MXRA8: variants seen among roughly 807,000 people sequenced by gnomAD.
The protein encoded by MXRA8 is matrix remodeling associated 8.
A neutral mutation model predicts 51.4 loss-of-function variants in MXRA8; 44 were observed. The ratio of observed to expected loss-of-function variants is 0.86; its 90% CI spans 0.67 to 1.10. The LOEUF (loss-of-function observed/expected upper bound fraction) is 1.10. MXRA8 is among the 50% of genes least tolerant of loss of function. The probability of loss-of-function intolerance (pLI) is 0.00; values close to 1 mark genes in which losing one functional copy is unlikely to be tolerated. For synonymous variants in MXRA8, 369 were observed against 293.5 expected, an observed-to-expected ratio of 1.26 and a Z score of -2.63; for missense variants, 765 against 638.9, an observed-to-expected ratio of 1.20 and a Z score of -2.13.
At chr1:1,356,823 C>A in intron 1 of MXRA8, 119 bp from the exon 2 acceptor site, 1 of 881,706 alleles carries the variant, frequency 1.1e-6, no homozygotes, top group Non-Finnish European at 1.6e-6. Flanking sequence ...ACACCCACTT[C>A]AGTGCAGGGA....
chr1:1,360,738 C>T (rs186822424), upstream of MXRA8, among the ~76,000 whole-genome samples: 468 of 152,274 alleles, frequency 3.1e-3, 2 homozygotes, highest in African/African-American at 0.01. Context: ...ATCTTGGCTG[C>T]CATTCCTGGT....
At position 1,357,220 on chromosome 1, in the gene MXRA8, G is replaced by A. The variant is rs190301171; in HGVS notation, c.50-516C>T. The stretch of plus-strand genomic sequence containing the variant: ...CCCGGCTGCCGCCCCACAGGCCCGC[G>A]TTGCTGCTTGAGGGACTCTCATTGT... On this transcript the variant is annotated intron_variant, in intron 1 of 9. Transcript: ENST00000309212. Among the ~76,000 whole-genome samples, 7 of 152,326 alleles carry A rather than the reference G, an allele frequency of 4.6e-5. No homozygotes were observed. The East Asian group carries it at 5.8e-4, about 13-fold the overall frequency.
At chr1:1,357,966 C>T (rs1644164676) in intron 1 of MXRA8, among the ~76,000 whole-genome samples, 1 of 152,172 alleles carries the variant, frequency 6.6e-6, no homozygotes, top group African/African-American at 2.4e-5. Flanking sequence ...TCCTGTGTCT[C>T]TAGATCACTG....
chr1:1,354,243 G>T lies in MXRA8; in HGVS notation c.1106-11C>A. On this transcript the variant is annotated splice_polypyrimidine_tract_variant and intron_variant, in intron 6 of 9. Transcript: ENST00000309212. ...CCGAGTATTCGTAGCCTGGGAAGGA[G>T]ACTCACATTGGGGGCAGTGCCGCCC... The T allele has an allele frequency of 6.2e-7, 1 of 1,611,684 alleles. No individual in the cohort carries two copies.
Position 1,354,740 on chromosome 1 carries a change from C to T in MXRA8, c.891G>A (p.Glu297=), listed in dbSNP as rs758342645. ...FHLTVAEPHA[E]PPPRGSPGNG... ...TGCCCGGAGAGCCCCGGGGGGGCGG[C>T]TCCGCGTGGGGTTCGGCGACCGTCA... The change falls in exon 5 of 10, where the codon GAG becomes GAA. Residue 297 remains glutamate (E), a synonymous_variant. Transcript: ENST00000309212. 10 of 1,609,344 alleles carry T rather than the reference C, an allele frequency of 6.2e-6. No individual in the cohort carries two copies. In the East Asian group the frequency reaches 2.0e-4, roughly 32 times the overall value.
chr1:1,356,305 TC>T (rs1644130169), intron 2 of MXRA8, among the ~76,000 whole-genome samples: 1 of 62,614 alleles, frequency 1.6e-5, no homozygotes, highest in African/African-American at 6.5e-5. Flanking sequence ...GGATGGGGAG[TC>T]CATGGGGGAG....
At chr1:1,355,212 C>T in intron 4 of MXRA8, 32 bp downstream of exon 4, 4 of 501,720 alleles carry the variant, frequency 8.0e-6, no homozygotes, top group South Asian at 2.4e-5. Context: ...GGTCGAGGGG[C>T]GGGAGCTGGG....
rs377594546 is a variant in MXRA8 at position 1,358,416 on chromosome 1, C to T, written c.49+40G>A. The T allele has an allele frequency of 1.8e-4, 292 of 1,579,216 alleles. No individual in the cohort carries two copies. In the South Asian group the frequency reaches 2.8e-3, roughly 15 times the overall value. ...TCCGAAACGGACTCGCACAGCCCCA[C>T]GTGCCACCCCCCACCCGCCTCCCAG... is the stretch of plus-strand genomic sequence containing the variant. On this transcript the variant is annotated intron_variant, in intron 1 of 9. Transcript: ENST00000309212.
upstream of MXRA8, chr1:1,358,707 G>T (rs1242306975): frequency 2.9e-6 from 4 of 1,387,210 alleles, no homozygotes; most frequent in Admixed American, 1.3e-4. Flanking sequence ...GAGGGGCAGT[G>T]TGGGAGCAGA....
chr1:1,354,151 G>A (rs1382479850), intron 7 of MXRA8, 42 bp downstream of exon 7: 1 of 1,612,772 alleles, frequency 6.2e-7, no homozygotes, highest in Non-Finnish European at 8.5e-7. Flanking sequence ...GTGGGGTGAA[G>A]GGGGCCCTGG....
At chr1:1,357,454 G>A (rs1287010104) in intron 1 of MXRA8, among the ~76,000 whole-genome samples, 1 of 152,010 alleles carries the variant, frequency 6.6e-6, no homozygotes, top group Non-Finnish European at 1.5e-5. Flanking sequence ...GCACCACGGA[G>A]TCCCCCCACA....
At chr1:1,355,805 G>A (rs1569793681) in intron 2 of MXRA8, 53 bp from the exon 3 acceptor site, 2 of 715,512 alleles carry the variant, frequency 2.8e-6, no homozygotes, top group African/African-American at 2.3e-5. Flanking sequence ...TAGGGCCCTG[G>A]TTGGGGGAGT....
At chr1:1,355,395 C>T in intron 3 of MXRA8, 50 bp from the exon 4 acceptor site, 1 of 1,516,926 alleles carries the variant, frequency 6.6e-7, no homozygotes, top group African/African-American at 1.4e-5. Context: ...GCCCCCGACC[C>T]CGCGGCCCCG....
In MXRA8 at chr1:1,353,206, C is replaced by G. The variant is rs537952484; in HGVS notation, c.*398G>C. The G allele has an allele frequency of 1.1e-4, 145 of 1,262,892 alleles. No individual in the cohort carries two copies. The highest frequency in any genetic ancestry group is 2.1e-4 in the Admixed American group (10 of 47,382). The allele number at this position is 1,262,892 out of a possible 1,614,324, so 78.2% of individuals were successfully genotyped here. A position where few individuals can be genotyped will look rare whatever the true frequency, so the allele number is the denominator to read the frequency against. On this transcript the variant is annotated 3_prime_UTR_variant, in exon 10 of 10. Coordinates refer to ENST00000309212, the MANE Select transcript of MXRA8 (RefSeq NM_032348.4). ...TCCAGGAACATCTCCCAGCCCCCGACGAGCAGAGCCCTGGAGGAGTGGGAC... is the reference window on the plus strand; with the variant it reads ...TCCAGGAACATCTCCCAGCCCCCGAGGAGCAGAGCCCTGGAGGAGTGGGAC...
chr1:1,356,208 A>AC (rs1371400589), intron 2 of MXRA8, among the ~76,000 whole-genome samples: 1 of 57,136 alleles, frequency 1.8e-5, no homozygotes, highest in East Asian at 5.8e-4. Context: ...GGAGTGGTGG[A>AC]CCCCCGAGGG....
chr1:1,353,776 G>T (rs527845568), intron 9 of MXRA8, 72 bp downstream of exon 9: 1 of 1,490,514 alleles, frequency 6.7e-7, no homozygotes, highest in Admixed American at 2.2e-5. Context: ...GCCTGCCATC[G>T]TTGGTCCCAG....
intron 9 of MXRA8, 60 bp from the exon 10 acceptor site, chr1:1,353,689 A>G (rs1466852478): frequency 6.5e-7 from 1 of 1,527,464 alleles, no homozygotes; most frequent in Non-Finnish European, 8.9e-7. Context: ...ACAGTGGGAG[A>G]CACAGGGCAG....
chr1:1,355,046 G>A lies in MXRA8; in HGVS notation c.585C>T (p.Asp195=), dbSNP rs373807323. ...CCTGTTGAGCCTCCTCCACGTGCCG[G>A]TCGGTCCACACGTGCCCGCGGTTCA... The part of the protein sequence containing the change: ...TCVNRGHVWT[D]RHVEEAQQVV... Residue 195 remains aspartate (D), a synonymous_variant, in exon 5 of 10, where the codon GAC becomes GAT. Coordinates refer to ENST00000309212, the MANE Select transcript of MXRA8 (RefSeq NM_032348.4). The A allele has an allele frequency of 3.1e-6, 5 of 1,607,976 alleles. No individual in the cohort carries two copies. Among genetic ancestry groups the A allele is most frequent in the Non-Finnish European group, 3.4e-6 (4 of 1,178,362 alleles).
At position 1,353,123 on chromosome 1, in the gene MXRA8, C is replaced by T. The variant is rs1644036438; in HGVS notation, c.*481G>A. On this transcript the variant is annotated 3_prime_UTR_variant, in exon 10 of 10. Transcript: ENST00000309212. The stretch of plus-strand genomic sequence containing the variant: ...AGGCAGCACCCCAGGAGGAGTGGGA[C>T]TCCTGCCGAGGCTGACCCCAACTTC... 1 of 733,054 alleles carries T rather than the reference C, an allele frequency of 1.4e-6. No homozygotes were observed. The highest frequency in any genetic ancestry group is 2.4e-5 in the Admixed American group (1 of 41,378). 45.4% of individuals were successfully genotyped at this position (733,054 alleles called of 1,614,324 possible).
Sources: allele counts gnomAD v4.1 joint callset (sites outside exome capture counted in the v4.1 genomes callset), GRCh38; gene constraint gnomAD v4.1.1; transcripts MANE v1.5; gene names NCBI Gene and HGNC (gene_info 2026-07-23, HGNC 2026-07-21).